HTR1F: variants seen among roughly 807,000 people sequenced by gnomAD.
HTR1F encodes the protein 5-hydroxytryptamine receptor 1F, also known as 5-hydroxytryptamine (serotonin) receptor 1F, G protein-coupled.
A neutral mutation model predicts 24.0 loss-of-function variants in HTR1F; 17 were observed. The ratio of observed to expected loss-of-function variants is 0.71; its 90% CI spans 0.48 to 1.06. The LOEUF (loss-of-function observed/expected upper bound fraction) is 1.06. Among genes scored for constraint, HTR1F ranks in the 50% least tolerant of loss-of-function variants. HTR1F has a pLI of 0.00. For missense variants in HTR1F, 391 were observed against 427.8 expected (o/e 0.91, Z 0.76); for synonymous variants, 186 against 156.8 (o/e 1.19, Z -1.39).
chr3:87,886,665 C>T (rs1203552898), intron 2 of HTR1F, among the ~76,000 whole-genome samples: 1 of 152,070 alleles, frequency 6.6e-6, no homozygotes, highest in Non-Finnish European at 1.5e-5. Flanking sequence ...AATCAATGTG[C>T]AAAAATCACA....
At chr3:87,871,935 C>T (rs927601979) in intron 2 of HTR1F, among the ~76,000 whole-genome samples, 1 of 152,082 alleles carries the variant, frequency 6.6e-6, no homozygotes, top group African/African-American at 2.4e-5. Context: ...AGAGAATATT[C>T]TACCCAACAA....
At chr3:87,826,024 G>A (rs1178325448) in intron 2 of HTR1F, among the ~76,000 whole-genome samples, 2 of 152,188 alleles carry the variant, frequency 1.3e-5, no homozygotes, top group Non-Finnish European at 2.9e-5. Flanking sequence ...ATAAGATCAT[G>A]TGTATTAAAA....
intron 2 of HTR1F, among the ~76,000 whole-genome samples, chr3:87,852,113 TTAA>T (rs1705100070): frequency 6.6e-6 from 1 of 151,694 alleles, no homozygotes; most frequent in Non-Finnish European, 1.5e-5. Flanking sequence ...ATTTCCCTGA[TTAA>T]TATGAATTTC....
At chr3:87,827,468 A>C (rs1212139873) in intron 2 of HTR1F, among the ~76,000 whole-genome samples, 1 of 152,146 alleles carries the variant, frequency 6.6e-6, no homozygotes, top group African/African-American at 2.4e-5. Context: ...ATTTTTATGC[A>C]AGCACTATTT....
intron 2 of HTR1F, among the ~76,000 whole-genome samples, chr3:87,874,085 T>C (rs1399401034): frequency 2.0e-5 from 3 of 152,122 alleles, no homozygotes; most frequent in African/African-American, 7.2e-5. Flanking sequence ...AGATGTCCAC[T>C]TTCATGACTT....
At chr3:87,803,049 A>G (rs982059683) in intron 1 of HTR1F, among the ~76,000 whole-genome samples, 1 of 152,144 alleles carries the variant, frequency 6.6e-6, no homozygotes, top group Non-Finnish European at 1.5e-5. Flanking sequence ...CCTTTCCTAA[A>G]TGAAGTCTAG....
chr3:87,821,000 A>T (rs1463318658), intron 1 of HTR1F, among the ~76,000 whole-genome samples: 1 of 152,182 alleles, frequency 6.6e-6, no homozygotes, highest in Non-Finnish European at 1.5e-5. Context: ...TTTCTCACTG[A>T]TTTGGACAAC....
chr3:87,958,948 C>T (rs75545545), intron 2 of HTR1F, among the ~76,000 whole-genome samples: 11,469 of 151,802 alleles, frequency 0.076, 474 homozygotes, highest in South Asian at 0.096. Context: ...GAACTTTCAA[C>T]TGATTGTCAG....
chr3:87,897,794 C>G (rs2107319277), intron 2 of HTR1F, among the ~76,000 whole-genome samples: 1 of 152,226 alleles, frequency 6.6e-6, no homozygotes, highest in African/African-American at 2.4e-5. Context: ...CACTTCCATC[C>G]TATCTTCCCA....
rs113993620 is a variant in HTR1F, at chr3:87,946,627, A to ATT, written c.-42-44067_-42-44066dup. ...TGTGTGTGTGTATATATATATATAT[A>ATT]TTTTTTTTTTTTTTTAAACAGTCTC... On this transcript the variant is annotated intron_variant, in intron 2 of 2. Transcript: ENST00000319595. Among the ~76,000 whole-genome samples, 362 of 129,148 alleles carry ATT rather than the reference A, an allele frequency of 2.8e-3. 2 individuals are homozygous for ATT. The highest frequency in any genetic ancestry group is 0.012 in the African/African-American group (343 of 28,630). 84.7% of individuals were successfully genotyped at this position (129,148 alleles called of 152,430 possible).
At chr3:87,921,769 A>G (rs764990917) in intron 2 of HTR1F, among the ~76,000 whole-genome samples, 7 of 151,832 alleles carry the variant, frequency 4.6e-5, no homozygotes, top group Non-Finnish European at 8.8e-5. Context: ...TCGAATCTCT[A>G]CTTCCATGAA....
At chr3:87,882,656 G>T (rs1171545549) in intron 2 of HTR1F, among the ~76,000 whole-genome samples, 1 of 142,814 alleles carries the variant, frequency 7.0e-6, no homozygotes, top group Non-Finnish European at 1.5e-5. Flanking sequence ...ATTGAACAAT[G>T]AGAACATATG....
intron 2 of HTR1F, among the ~76,000 whole-genome samples, chr3:87,941,347 G>C (rs978347505): frequency 5.9e-5 from 9 of 152,180 alleles, no homozygotes; most frequent in African/African-American, 2.2e-4. Flanking sequence ...GCCAGTATAG[G>C]CTGGATACGA....
intron 2 of HTR1F, among the ~76,000 whole-genome samples, chr3:87,823,763 A>C (rs1704407222): frequency 1.3e-5 from 2 of 151,930 alleles, no homozygotes; most frequent in Non-Finnish European, 2.9e-5. Flanking sequence ...ACAGGCTTTA[A>C]AAAAAACAAA....
At chr3:87,961,863 G>A (rs1705069069) in intron 2 of HTR1F, among the ~76,000 whole-genome samples, 1 of 150,936 alleles carries the variant, frequency 6.6e-6, no homozygotes, top group Admixed American at 6.6e-5. Context: ...AAATGTGTAA[G>A]GGTTGTCAGA....
At chr3:87,971,289 C>T (rs575756703) in intron 2 of HTR1F, among the ~76,000 whole-genome samples, 6 of 152,102 alleles carry the variant, frequency 3.9e-5, no homozygotes, top group South Asian at 2.1e-4. Flanking sequence ...TAACAATGGC[C>T]GGGCATGGTG....
intron 2 of HTR1F, among the ~76,000 whole-genome samples, chr3:87,930,139 C>G (rs1189125371): frequency 6.6e-6 from 1 of 152,068 alleles, no homozygotes; most frequent in Admixed American, 6.6e-5. Context: ...GATTTTGTAT[C>G]CTGAGACTTT....
chr3:87,982,028 T>G (rs1344740831), intron 2 of HTR1F, among the ~76,000 whole-genome samples: 1 of 152,082 alleles, frequency 6.6e-6, no homozygotes, highest in Non-Finnish European at 1.5e-5. Flanking sequence ...CCTCAAGCAG[T>G]TCTCATGTCC....
chr3:87,863,507 C>T (rs1705361142), intron 2 of HTR1F, among the ~76,000 whole-genome samples: 1 of 152,178 alleles, frequency 6.6e-6, no homozygotes, highest in African/African-American at 2.4e-5. Context: ...CATATACCTG[C>T]AGAATACAAT....
Sources: allele counts gnomAD v4.1 joint callset (sites outside exome capture counted in the v4.1 genomes callset), GRCh38; gene constraint gnomAD v4.1.1; transcripts MANE v1.5; gene names NCBI Gene and HGNC (gene_info 2026-07-23, HGNC 2026-07-21).